The following ATRNL1 variants were observed in gnomAD, a reference collection of about 807,000 sequenced individuals.
ATRNL1 encodes the protein attractin like 1.
Under a neutral mutation model 182.7 loss-of-function variants are expected in ATRNL1, and 95 were observed. The ratio of observed to expected loss-of-function variants is 0.52; its 90% CI spans 0.44 to 0.62. The LOEUF (loss-of-function observed/expected upper bound fraction) is 0.62. Among genes scored for constraint, ATRNL1 ranks in the 20% least tolerant of loss-of-function variants. ATRNL1 has a pLI of 0.00. For synonymous variants in ATRNL1, 576 were observed against 568.3 expected, an observed-to-expected ratio of 1.01 and a Z score of -0.19; for missense variants, 1,471 against 1,679.5, an observed-to-expected ratio of 0.88 and a Z score of 2.17.
chr10:115,429,276 T>A (rs1846041567), intron 21 of ATRNL1, among the ~76,000 whole-genome samples: 1 of 152,174 alleles, frequency 6.6e-6, no homozygotes, highest in African/African-American at 2.4e-5. Context: ...TTCATTAACT[T>A]TGGTGAACGC....
chr10:115,536,730 A>C (rs1375036511), intron 25 of ATRNL1, among the ~76,000 whole-genome samples: 1 of 152,206 alleles, frequency 6.6e-6, no homozygotes, highest in Non-Finnish European at 1.5e-5. Context: ...TGCAGACCGG[A>C]GCTGTTCCTA....
At chr10:115,813,260 A>G (rs1336450085) in intron 27 of ATRNL1, among the ~76,000 whole-genome samples, 2 of 152,142 alleles carry the variant, frequency 1.3e-5, no homozygotes, top group East Asian at 3.9e-4. Flanking sequence ...TAAATTTTTA[A>G]AAAATGAGAG....
chr10:115,580,568 A>G (rs941060408), intron 26 of ATRNL1, among the ~76,000 whole-genome samples: 2 of 151,258 alleles, frequency 1.3e-5, no homozygotes, highest in African/African-American at 4.9e-5. Flanking sequence ...TCAGTGTGGA[A>G]CTCTTTGGAT....
intron 9 of ATRNL1, among the ~76,000 whole-genome samples, chr10:115,226,744 G>A (rs1849715177): frequency 6.6e-6 from 1 of 151,926 alleles, no homozygotes; most frequent in Admixed American, 6.6e-5. Flanking sequence ...TAAACCAATT[G>A]AACTAAATAG....
intron 28 of ATRNL1, among the ~76,000 whole-genome samples, chr10:115,930,395 A>T (rs1398007271): frequency 3.3e-5 from 5 of 152,306 alleles, no homozygotes; most frequent in Admixed American, 6.5e-5. Context: ...CATAAACTTC[A>T]GAACTAGCCA....
At chr10:115,473,396 T>A (rs1554972488) in intron 24 of ATRNL1, among the ~76,000 whole-genome samples, 1 of 151,282 alleles carries the variant, frequency 6.6e-6, no homozygotes, top group African/African-American at 2.4e-5. Context: ...GTTGCTATTA[T>A]ATTTATTTTT....
At chr10:115,103,634 A>G (rs1381456257) in intron 1 of ATRNL1, among the ~76,000 whole-genome samples, 2 of 152,168 alleles carry the variant, frequency 1.3e-5, no homozygotes, top group East Asian at 1.9e-4. Flanking sequence ...TCTTTGTGTT[A>G]TAAACAATTC....
chr10:115,334,399 C>T lies in ATRNL1; in HGVS notation c.3155C>T (p.Thr1052Ile). 2 of 1,601,526 alleles carry T rather than the reference C, an allele frequency of 1.2e-6. No homozygotes were observed. The highest frequency in any genetic ancestry group is 1.7e-6 in the Non-Finnish European group (2 of 1,171,682). ...DCMPGYYGDP[T>I]NGGQCTACTC... The stretch of plus-strand genomic sequence containing the variant: ...ATGCCAGGTTATTATGGAGATCCAA[C>T]CAATGGTGGACAGTGCACAGGTAAG... Residue 1052 changes from threonine to isoleucine, a missense_variant, in exon 19 of 29, where the codon ACC becomes ATC. Physicochemically the swap from Thr to Ile is moderately conservative, Grantham distance 89 (BLOSUM62 -1). Coordinates refer to ENST00000355044, the MANE Select transcript of ATRNL1 (RefSeq NM_207303.4).
At chr10:115,606,441 G>T (rs60532735) in intron 26 of ATRNL1, among the ~76,000 whole-genome samples, 3,132 of 152,032 alleles carry the variant, frequency 0.021, 101 homozygotes, top group African/African-American at 0.071. Context: ...TATAACACAA[G>T]AATATTATAT....
intron 22 of ATRNL1, among the ~76,000 whole-genome samples, chr10:115,466,762 T>C (rs1345038379): frequency 2.0e-5 from 3 of 151,164 alleles, no homozygotes; most frequent in African/African-American, 7.3e-5. Context: ...AAGAAGTCTT[T>C]TAAAAAAATA....
chr10:115,196,239 T>A (rs1848355301), intron 8 of ATRNL1, among the ~76,000 whole-genome samples: 1 of 152,174 alleles, frequency 6.6e-6, no homozygotes, highest in Non-Finnish European at 1.5e-5. Context: ...ATGGTATCTG[T>A]GTAGAAAAAT....
chr10:115,544,400 G>C (rs1159266583), intron 25 of ATRNL1, among the ~76,000 whole-genome samples: 1 of 152,138 alleles, frequency 6.6e-6, no homozygotes, highest in Non-Finnish European at 1.5e-5. Flanking sequence ...ATTGGCTCAT[G>C]GTTCTGCAGG....
At chr10:115,387,030 A>G (rs1242038181) in intron 19 of ATRNL1, among the ~76,000 whole-genome samples, 7 of 152,012 alleles carry the variant, frequency 4.6e-5, no homozygotes, top group African/African-American at 1.7e-4. Flanking sequence ...ATGTCCAACA[A>G]TGATAGACTG....
At chr10:115,399,835 C>G (rs1482148537) in intron 20 of ATRNL1, among the ~76,000 whole-genome samples, 1 of 151,898 alleles carries the variant, frequency 6.6e-6, no homozygotes, top group Non-Finnish European at 1.5e-5. Context: ...CTTAAGACTT[C>G]CTGGAAGACA....
At chr10:115,146,033 A>T (rs929226526) in intron 5 of ATRNL1, among the ~76,000 whole-genome samples, 5 of 151,812 alleles carry the variant, frequency 3.3e-5, no homozygotes, top group Admixed American at 3.3e-4. Context: ...CCTTAGAGAT[A>T]CTGTTAGGGT....
intron 25 of ATRNL1, among the ~76,000 whole-genome samples, chr10:115,532,807 C>T (rs1851677092): frequency 6.6e-6 from 1 of 151,918 alleles, no homozygotes; most frequent in African/African-American, 2.4e-5. Context: ...CCCATCAATA[C>T]CTAATTTATT....
intron 20 of ATRNL1, 62 bp from the exon 21 acceptor site, chr10:115,426,188 G>T: frequency 7.2e-7 from 1 of 1,382,724 alleles, no homozygotes. Flanking sequence ...TTTGCTTGAA[G>T]AAAAACATGA....
At chr10:115,665,346 C>T (rs1370914272) in intron 26 of ATRNL1, among the ~76,000 whole-genome samples, 9 of 152,088 alleles carry the variant, frequency 5.9e-5, no homozygotes, top group African/African-American at 1.9e-4. Context: ...AGGTAAGTGG[C>T]TTAACCCAGT....
chr10:115,311,013 T>G (rs947572873), intron 17 of ATRNL1, among the ~76,000 whole-genome samples: 2 of 152,082 alleles, frequency 1.3e-5, no homozygotes, highest in African/African-American at 4.8e-5. Context: ...ATGTCACAGT[T>G]ATTGTTCTTT....
Sources: gnomAD v4.1 joint callset for allele counts (sites outside exome capture counted in the v4.1 genomes callset) on GRCh38, gnomAD v4.1.1 for gene constraint, MANE v1.5 for transcripts, NCBI Gene and HGNC (gene_info 2026-07-23, HGNC 2026-07-21) for gene names.